XPR1: variants seen among roughly 807,000 people sequenced by gnomAD.
The protein encoded by XPR1 is xenotropic and polytropic retrovirus receptor 1.
Under a neutral mutation model 87.5 loss-of-function variants are expected in XPR1, and 28 were observed. The observed-to-expected ratio is 0.32, with a 90% CI of 0.24 to 0.44. XPR1 has a LOEUF of 0.44. Ranked by LOEUF, XPR1 falls within the 20% of genes least tolerant of loss-of-function variation. The pLI is 1.00. For missense variants in XPR1, 559 were observed against 862.3 expected (o/e 0.65, Z 4.41); for synonymous variants, 300 against 306.1 (o/e 0.98, Z 0.21).
Position 180,733,927 on chromosome 1 carries a change from T to C in XPR1, c.121+51516T>C, listed in dbSNP as rs145433363. Among the ~76,000 whole-genome samples the C allele has an allele frequency of 2.9e-3, 441 of 152,310 alleles. 3 individuals carry two copies. The highest frequency in any genetic ancestry group is 9.6e-3 in the African/African-American group (400 of 41,568). ...TACATCAGGCATTTCACTAAATGCTTTACGTACATAATTTTATTTAATTTT... is the reference window on the plus strand; with the variant it reads ...TACATCAGGCATTTCACTAAATGCTCTACGTACATAATTTTATTTAATTTT... On this transcript the variant is annotated intron_variant, in intron 2 of 14. Coordinates refer to ENST00000367590, the MANE Select transcript of XPR1 (RefSeq NM_004736.4).
chr1:180,824,754 T>C lies in XPR1; in HGVS notation c.765T>C (p.Ala255=). Residue 255 remains alanine (A), a splice_region_variant and synonymous_variant, in exon 8 of 15, where the codon GCT becomes GCC. Coordinates refer to ENST00000367590, the MANE Select transcript of XPR1 (RefSeq NM_004736.4). The stretch of plus-strand genomic sequence containing the variant: ...ACCAATATCTTAATATTCTTTCAGC[T>C]GTATTTAAACTTGAAACAGATAGAA... ...IVLNITLVLA[A]VFKLETDRSI... 1 of 1,604,676 alleles carries C rather than the reference T, an allele frequency of 6.2e-7. No individual in the cohort carries two copies. Among genetic ancestry groups the C allele is most frequent in the South Asian group, 1.1e-5 (1 of 88,846 alleles).
chr1:180,772,954 C>G (rs1272436675), intron 2 of XPR1, among the ~76,000 whole-genome samples: 1 of 152,100 alleles, frequency 6.6e-6, no homozygotes, highest in Non-Finnish European at 1.5e-5. Context: ...CACTGTTAAC[C>G]TCTGATTTTA....
chr1:180,686,450 G>T (rs1232308822), intron 2 of XPR1, among the ~76,000 whole-genome samples: 5 of 152,130 alleles, frequency 3.3e-5, no homozygotes, highest in Non-Finnish European at 7.4e-5. Flanking sequence ...GTGCTGAAAA[G>T]AATGTATATT....
intron 2 of XPR1, among the ~76,000 whole-genome samples, chr1:180,721,096 TG>T (rs1658166237): frequency 6.6e-6 from 1 of 151,516 alleles, no homozygotes; most frequent in South Asian, 2.1e-4. Flanking sequence ...GGCTGGGACG[TG>T]GTAATTCCAG....
chr1:180,802,494 A>G (rs188530918), intron 3 of XPR1, among the ~76,000 whole-genome samples: 6 of 152,332 alleles, frequency 3.9e-5, no homozygotes, highest in Admixed American at 1.3e-4. Context: ...CCTGAACTGT[A>G]TAACCAGAAA....
At position 180,670,488 on chromosome 1, in the gene XPR1, T is replaced by G. The variant is rs528322928; in HGVS notation, c.70-11872T>G. Among the ~76,000 whole-genome samples, 4 of 152,346 alleles carry G rather than the reference T, an allele frequency of 2.6e-5. No individual in the cohort carries two copies. In the South Asian group the frequency reaches 6.2e-4, roughly 24 times the overall value. The stretch of plus-strand genomic sequence containing the variant: ...CTTAACTTCAATAACATACAAAAAC[T>G]GCTTCTTTACAACTCCATCTTCATC... On this transcript the variant is annotated intron_variant, in intron 1 of 14. Coordinates refer to ENST00000367590, the MANE Select transcript of XPR1 (RefSeq NM_004736.4).
At chr1:180,660,390 C>T (rs143978682) in intron 1 of XPR1, among the ~76,000 whole-genome samples, 2 of 151,700 alleles carry the variant, frequency 1.3e-5, no homozygotes, top group Non-Finnish European at 2.9e-5. Context: ...CTTCTGGTAA[C>T]TTTGGGTTTG....
Position 180,840,564 on chromosome 1 carries a change from GTGTA to G in XPR1, c.1501+3850_1501+3853del, listed in dbSNP as rs1437349013. Among the ~76,000 whole-genome samples the G allele has an allele frequency of 3.9e-3, 520 of 134,230 alleles. 2 individuals carry two copies. Among genetic ancestry groups the G allele is most frequent in the Admixed American group, 6.5e-3 (85 of 13,064 alleles). The allele number at this position is 134,230 out of a possible 152,430, so 88.1% of individuals were successfully genotyped here. On this transcript the variant is annotated intron_variant, in intron 11 of 14. Coordinates refer to ENST00000367590, the MANE Select transcript of XPR1 (RefSeq NM_004736.4). ...TGTGTGTGTGTGTGTGTGTGTGTGT[GTGTA>G]TATATATATATATATATATATAAAC... is the stretch of plus-strand genomic sequence containing the variant.
At chr1:180,824,091 C>T (rs1650736328) in intron 7 of XPR1, among the ~76,000 whole-genome samples, 1 of 152,158 alleles carries the variant, frequency 6.6e-6, no homozygotes, top group Non-Finnish European at 1.5e-5. Context: ...GAGGTTTTGT[C>T]ATGCCGGATC....
chr1:180,697,256 G>A (rs143991892), intron 2 of XPR1, among the ~76,000 whole-genome samples: 5 of 151,972 alleles, frequency 3.3e-5, no homozygotes, highest in African/African-American at 1.2e-4. Context: ...AAATTTGTTA[G>A]CATTAATTTG....
intron 9 of XPR1, among the ~76,000 whole-genome samples, chr1:180,825,853 C>A (rs1347494909): frequency 6.6e-6 from 1 of 152,140 alleles, no homozygotes. Flanking sequence ...GAGTTTGAGA[C>A]CAGCCTGACC....
chr1:180,720,787 C>T (rs1282380716), intron 2 of XPR1, among the ~76,000 whole-genome samples: 2 of 152,072 alleles, frequency 1.3e-5, no homozygotes, highest in Non-Finnish European at 2.9e-5. Context: ...AATACTATTG[C>T]CTTTTGTTGT....
chr1:180,728,912 G>A (rs1658454907), intron 2 of XPR1, among the ~76,000 whole-genome samples: 3 of 152,136 alleles, frequency 2.0e-5, no homozygotes, highest in Admixed American at 2.0e-4. Flanking sequence ...ATGTGTCATA[G>A]GGGTTTAGTG....
At chr1:180,879,391 A>G (rs915245837) in intron 13 of XPR1, among the ~76,000 whole-genome samples, 2 of 152,192 alleles carry the variant, frequency 1.3e-5, no homozygotes, top group African/African-American at 2.4e-5. Flanking sequence ...AATTTAAACT[A>G]TGGGTTATAA....
intron 1 of XPR1, among the ~76,000 whole-genome samples, chr1:180,632,962 T>C (rs1004964005): frequency 2.0e-5 from 3 of 152,342 alleles, no homozygotes; most frequent in Admixed American, 1.3e-4. Flanking sequence ...AATAACATCT[T>C]TGTTTTTGCC....
At chr1:180,827,417 A>G (rs1650891072) in intron 9 of XPR1, among the ~76,000 whole-genome samples, 1 of 152,174 alleles carries the variant, frequency 6.6e-6, no homozygotes, top group Non-Finnish European at 1.5e-5. Context: ...TCCCCAGTGT[A>G]TCCTTTGTTT....
chr1:180,705,359 G>A (rs1657522490), intron 2 of XPR1, among the ~76,000 whole-genome samples: 2 of 152,136 alleles, frequency 1.3e-5, no homozygotes, highest in South Asian at 2.1e-4. Flanking sequence ...TTATATTGGT[G>A]TATTATCCCA....
intron 2 of XPR1, among the ~76,000 whole-genome samples, chr1:180,746,988 G>A (rs1188044467): frequency 6.6e-6 from 1 of 152,044 alleles, no homozygotes; most frequent in East Asian, 1.9e-4. Flanking sequence ...GATTTTTATG[G>A]TTAATATTTC....
intron 1 of XPR1, among the ~76,000 whole-genome samples, chr1:180,651,772 A>G (rs891030486): frequency 6.6e-6 from 1 of 152,226 alleles, no homozygotes; most frequent in Non-Finnish European, 1.5e-5. Context: ...TTATAACCAT[A>G]TAGGAAATAA....
Sources: allele counts gnomAD v4.1 joint callset (sites outside exome capture counted in the v4.1 genomes callset), GRCh38; gene constraint gnomAD v4.1.1; transcripts MANE v1.5; gene names NCBI Gene and HGNC (gene_info 2026-07-23, HGNC 2026-07-21).